Variants in ZMAT5 observed in about 807,000 individuals in gnomAD.
The protein encoded by ZMAT5 is zinc finger matrin-type 5.
Under a neutral mutation model 28.0 loss-of-function variants are expected in ZMAT5, and 23 were observed. That is an observed-to-expected ratio of 0.82 (90% CI 0.59 to 1.16). ZMAT5 has a LOEUF of 1.16. Among genes scored for constraint, ZMAT5 ranks in the 50% most tolerant of loss-of-function variants. ZMAT5 has a pLI of 0.00. For missense variants in ZMAT5, 173 were observed against 212.7 expected (o/e 0.81, Z 1.16); for synonymous variants, 76 against 84.1 (o/e 0.90, Z 0.52).
chr22:29,753,727 T>C (rs1450405900), intron 1 of ZMAT5, among the ~76,000 whole-genome samples: 1 of 152,008 alleles, frequency 6.6e-6, no homozygotes, highest in African/African-American at 2.4e-5. Flanking sequence ...AAGAACCAGC[T>C]GTGCAGAGCC....
In ZMAT5 at chr22:29,748,493, G is replaced by C; in HGVS notation, c.52C>G (p.Leu18Val). 6.2e-7 allele frequency: 1 copy of C among 1,614,258 alleles called. No individual in the cohort carries two copies. Among genetic ancestry groups the C allele is most frequent in the South Asian group, 1.1e-5 (1 of 91,086 alleles). The change falls in exon 2 of 6, where the codon CTC becomes GTC. Residue 18 changes from leucine to valine, a missense_variant. Transcript: ENST00000344318. The stretch of plus-strand genomic sequence containing the variant: ...TTCAGGTGCTTCTTGCGGTTGTGGA[G>C]GTTGTCCTGGAAGGAGCGGTCGCAG... ...DYCDRSFQDN[L>V]HNRKKHLNGL... is the part of the protein sequence containing the mutation.
chr22:29,744,367 T>G (rs2067989691), intron 2 of ZMAT5, among the ~76,000 whole-genome samples: 1 of 11,676 alleles, frequency 8.6e-5, no homozygotes, highest in South Asian at 2.2e-3. Context: ...ACTGGTGGCT[T>G]GTGGGAGGCG....
Position 29,748,473 on chromosome 22 carries a change from G to T in ZMAT5, c.72C>A (p.His24Gln). The T allele has an allele frequency of 6.2e-7, 1 of 1,614,272 alleles. No homozygotes were observed. Among genetic ancestry groups the T allele is most frequent in the Non-Finnish European group, 8.5e-7 (1 of 1,180,042 alleles). Residue 24 changes from histidine (H) to glutamine (Q), a missense_variant, in exon 2 of 6, where the codon CAC (histidine) becomes CAA (glutamine). Coordinates refer to ENST00000344318, the MANE Select transcript of ZMAT5 (RefSeq NM_001003692.2). The stretch of plus-strand genomic sequence containing the variant: ...CCTTGAGGTGCTGCAGCCCGTTCAG[G>T]TGCTTCTTGCGGTTGTGGAGGTTGT... The part of the protein sequence containing the change: ...FQDNLHNRKK[H>Q]LNGLQHLKAK...
At chr22:29,742,578 C>A (rs908499039) in intron 2 of ZMAT5, 98 bp from the exon 3 acceptor site, 1 of 1,096,382 alleles carries the variant, frequency 9.1e-7, no homozygotes, top group Admixed American at 1.8e-5. Context: ...TTTATCTCGA[C>A]ACAGCTGTGC....
At chr22:29,738,470 G>C (rs550896528) in intron 4 of ZMAT5, 29 bp from the exon 5 acceptor site, 1 of 1,591,916 alleles carries the variant, frequency 6.3e-7, no homozygotes, top group South Asian at 1.1e-5. Flanking sequence ...AAAGGCAAGT[G>C]AGGGGTACAC....
intron 1 of ZMAT5, among the ~76,000 whole-genome samples, chr22:29,760,523 AG>A (rs1158241368): frequency 3.3e-5 from 5 of 152,160 alleles, no homozygotes; most frequent in Non-Finnish European, 2.9e-5. Flanking sequence ...TGGGTGACAG[AG>A]CAAGACTCTG....
Position 29,763,865 on chromosome 22 carries a change from C to T in ZMAT5, c.-28+3007G>A, listed in dbSNP as rs189412063. 1.9e-3 allele frequency among the ~76,000 whole-genome samples: 294 copies of T among 151,562 alleles called. 1 individual carries two copies. The highest frequency in any genetic ancestry group is 6.9e-3 in the Middle Eastern group (2 of 290). On this transcript the variant is annotated intron_variant, in intron 1 of 5. Coordinates refer to ENST00000344318, the MANE Select transcript of ZMAT5 (RefSeq NM_001003692.2). ...TACTTGGAAGGCTGAGGTGGGAGTA[C>T]CACTTGAGCCCAGGAGTTCGAGGCT...
chr22:29,758,536 T>A (rs1288090896), intron 1 of ZMAT5, among the ~76,000 whole-genome samples: 1 of 151,890 alleles, frequency 6.6e-6, no homozygotes, highest in African/African-American at 2.4e-5. Context: ...GGTGGGAGGA[T>A]CGCTTGAGCC....
chr22:29,764,170 A>C (rs2068185785), intron 1 of ZMAT5, among the ~76,000 whole-genome samples: 1 of 152,172 alleles, frequency 6.6e-6, no homozygotes, highest in Non-Finnish European at 1.5e-5. Flanking sequence ...AAACCAAATG[A>C]AACAAGCCAC....
rs2067893846 is a variant in ZMAT5, at chr22:29,735,271, C to T, written c.383+3059G>A. On this transcript the variant is annotated intron_variant, in intron 5 of 5. Transcript: ENST00000344318. Reference sequence around the variant, plus strand: ...AACGGTCACCTCCCTTCCCACAGCCCCTTTTTCTCAAGGCTGGACAGGCCT... The same window carrying T: ...AACGGTCACCTCCCTTCCCACAGCCTCTTTTTCTCAAGGCTGGACAGGCCT... Among the ~76,000 whole-genome samples the T allele has an allele frequency of 2.0e-5, 3 of 152,302 alleles. No individual in the cohort carries two copies. In the South Asian group the frequency reaches 6.2e-4, roughly 32 times the overall value.
At chr22:29,758,615 C>G (rs910025278) in intron 1 of ZMAT5, 2 of 152,046 alleles carry the variant, frequency 1.3e-5, no homozygotes, top group African/African-American at 4.8e-5. Flanking sequence ...AGAGCAAGAC[C>G]TCATTCAAAA....
chr22:29,737,632 CCTT>C (rs541076480), intron 5 of ZMAT5, among the ~76,000 whole-genome samples: 196 of 152,326 alleles, frequency 1.3e-3, no homozygotes, highest in African/African-American at 4.6e-3. Flanking sequence ...TCCCCTCCCT[CCTT>C]CAACTGCTGG....
At chr22:29,749,217 A>G (rs2068036137) in intron 1 of ZMAT5, among the ~76,000 whole-genome samples, 1 of 152,060 alleles carries the variant, frequency 6.6e-6, no homozygotes, top group African/African-American at 2.4e-5. Context: ...AGCTGAGACT[A>G]CAGGTGCGTG....
At position 29,734,899 on chromosome 22, in the gene ZMAT5, G is replaced by T. The variant is rs552946694; in HGVS notation, c.383+3431C>A. On this transcript the variant is annotated intron_variant, in intron 5 of 5. Transcript: ENST00000344318. The stretch of plus-strand genomic sequence containing the variant: ...GGTGGAGGATGTGGGGAAGCGCCAG[G>T]GCCAGGGTGCATCAGGGCTGCTGTG... Among the ~76,000 whole-genome samples, 15 of 152,306 alleles carry T rather than the reference G, an allele frequency of 9.8e-5. No homozygotes were observed. The East Asian group carries it at 2.9e-3, about 29-fold the overall frequency.
chr22:29,731,073 G>T lies in ZMAT5; in HGVS notation c.*152C>A. 1 of 770,014 alleles carries T rather than the reference G, an allele frequency of 1.3e-6. No individual in the cohort carries two copies. Among genetic ancestry groups the T allele is most frequent in the South Asian group, 3.0e-5 (1 of 33,568 alleles). 47.7% of individuals were successfully genotyped at this position (770,014 alleles called of 1,614,324 possible). A position where few individuals can be genotyped will look rare whatever the true frequency, so the allele number is the denominator to read the frequency against. ...GCTGCCCGGTGCAGACCCAGGACGA[G>T]GGCTGCACTTGGTGTGGCCGTGTCC... is the stretch of plus-strand genomic sequence containing the variant. On this transcript the variant is annotated 3_prime_UTR_variant, in exon 6 of 6. Coordinates refer to ENST00000344318, the MANE Select transcript of ZMAT5 (RefSeq NM_001003692.2).
Position 29,740,763 on chromosome 22 carries a change from G to A in ZMAT5, c.191-33C>T, listed in dbSNP as rs201964806. On this transcript the variant is annotated intron_variant, in intron 3 of 5. Transcript: ENST00000344318. ...AGGAAGACAGAGTTACTCGCTGCTC[G>A]GGAGGGGCTCCCCACAGGGGCTGAG... 30 of 1,563,922 alleles carry A rather than the reference G, an allele frequency of 1.9e-5. No homozygotes were observed. In the Admixed American group the frequency reaches 4.0e-4, roughly 21 times the overall value.
intron 1 of ZMAT5, among the ~76,000 whole-genome samples, chr22:29,763,589 G>A (rs1247351150): frequency 1.4e-5 from 2 of 147,440 alleles, no homozygotes; most frequent in Non-Finnish European, 3.0e-5. Context: ...GCAACAGAAC[G>A]AGACTCCGTC....
In ZMAT5 at chr22:29,761,621, C is replaced by G. The variant is rs116995810; in HGVS notation, c.-28+5251G>C. 4.6e-5 allele frequency among the ~76,000 whole-genome samples: 7 copies of G among 151,750 alleles called. No homozygotes were observed. The East Asian group carries it at 1.4e-3, about 29-fold the overall frequency. ...ACAATCCTACTGGGAACTGTGCATG[C>G]GAGGGATCTAGGTTATGTGCTCCTT... On this transcript the variant is annotated intron_variant, in intron 1 of 5. Coordinates refer to ENST00000344318, the MANE Select transcript of ZMAT5 (RefSeq NM_001003692.2).
chr22:29,738,503 C>T (rs558814726), intron 4 of ZMAT5, 62 bp from the exon 5 acceptor site: 506 of 1,490,194 alleles, frequency 3.4e-4, no homozygotes, highest in Middle Eastern at 2.7e-3. Flanking sequence ...GAACCCTACC[C>T]TCTCACAAAG....
Sources: gnomAD v4.1 joint callset for allele counts (sites outside exome capture counted in the v4.1 genomes callset) on GRCh38, gnomAD v4.1.1 for gene constraint, MANE v1.5 for transcripts, NCBI Gene and HGNC (gene_info 2026-07-23, HGNC 2026-07-21) for gene names.